The following PREX2 variants were observed in gnomAD, a reference collection of about 807,000 sequenced individuals.
PREX2 encodes the protein phosphatidylinositol 3,4,5-trisphosphate-dependent Rac exchanger 2 protein.
In PREX2, 107 loss-of-function variants were observed where a neutral mutation model predicts 203.2. The observed-to-expected ratio is 0.53, with a 90% CI of 0.45 to 0.62. The LOEUF (loss-of-function observed/expected upper bound fraction) is 0.62, where lower values mean the gene tolerates loss of function less well. Among genes scored for constraint, PREX2 ranks in the 20% least tolerant of loss-of-function variants. The pLI is 0.00. For missense variants in PREX2, 1,777 were observed against 1,955.9 expected (o/e 0.91, Z 1.72); for synonymous variants, 672 against 663.6 (o/e 1.01, Z -0.19).
In PREX2 at chr8:68,115,858, G is replaced by A. The variant is rs1421982978; in HGVS notation, c.3252G>A (p.Arg1084=). 6.2e-7 allele frequency: 1 copy of A among 1,613,858 alleles called. No individual in the cohort carries two copies. Among genetic ancestry groups the A allele is most frequent in the South Asian group, 1.1e-5 (1 of 91,074 alleles). Residue 1084 remains arginine (R), a synonymous_variant, in exon 26 of 40, where the codon CGG becomes CGA. Transcript: ENST00000288368. ...DNEKGERNSK[R]VCFNVAGDEQ... is the part of the protein sequence containing the mutation. ...AGAAGGGAGAAAGAAACAGCAAACGGGTATGTTTTAATGTAGCAGGAGATG... is the reference window on the plus strand; with the variant it reads ...AGAAGGGAGAAAGAAACAGCAAACGAGTATGTTTTAATGTAGCAGGAGATG...
intron 1 of PREX2, among the ~76,000 whole-genome samples, chr8:67,960,601 C>A (rs1805608790): frequency 6.6e-6 from 1 of 152,120 alleles, no homozygotes; most frequent in Admixed American, 6.5e-5. Flanking sequence ...GGCTTTCCTC[C>A]AGAAGGAACT....
chr8:68,131,374 A>G (rs1022767982), intron 31 of PREX2, among the ~76,000 whole-genome samples: 3 of 152,226 alleles, frequency 2.0e-5, no homozygotes, highest in Admixed American at 1.3e-4. Flanking sequence ...TCTCTGCTGA[A>G]AATAGGAAGG....
chr8:68,019,995 T>TTTCTG (rs1440523309), intron 3 of PREX2, among the ~76,000 whole-genome samples: 1 of 152,202 alleles, frequency 6.6e-6, no homozygotes, highest in African/African-American at 2.4e-5. Flanking sequence ...CATAGAGCAT[T>TTTCTG]TTTCTTTTGA....
At chr8:68,114,151 C>T (rs185106990) in intron 25 of PREX2, among the ~76,000 whole-genome samples, 207 of 152,252 alleles carry the variant, frequency 1.4e-3, no homozygotes, top group South Asian at 5.0e-3. Flanking sequence ...CATGAGCCAC[C>T]GCGCCCGGCC....
chr8:67,999,720 A>G (rs1026982208), intron 1 of PREX2, among the ~76,000 whole-genome samples: 3 of 152,172 alleles, frequency 2.0e-5, no homozygotes, highest in African/African-American at 7.2e-5. Flanking sequence ...CCTCAACAAA[A>G]TACTTACAAA....
chr8:67,974,985 G>A (rs1263646276), intron 1 of PREX2, among the ~76,000 whole-genome samples: 1 of 152,172 alleles, frequency 6.6e-6, no homozygotes, highest in Non-Finnish European at 1.5e-5. Flanking sequence ...CATCCTTGCT[G>A]TGTGTTCCTC....
intron 37 of PREX2, among the ~76,000 whole-genome samples, chr8:68,199,965 T>C (rs1263013579): frequency 6.6e-6 from 1 of 152,190 alleles, no homozygotes; most frequent in Non-Finnish European, 1.5e-5. Flanking sequence ...AGGAATAGGT[T>C]TACTCTGGGG....
At chr8:68,125,036 T>A (rs1386180791) in intron 30 of PREX2, among the ~76,000 whole-genome samples, 2 of 152,092 alleles carry the variant, frequency 1.3e-5, no homozygotes, top group Non-Finnish European at 2.9e-5. Context: ...AATGATTACA[T>A]TTTGCTTCAT....
intron 35 of PREX2, among the ~76,000 whole-genome samples, chr8:68,184,388 A>G (rs1304569900): frequency 2.0e-5 from 3 of 152,164 alleles, no homozygotes; most frequent in Non-Finnish European, 4.4e-5. Flanking sequence ...GACATATCTA[A>G]TCATGTCTAT....
intron 13 of PREX2, among the ~76,000 whole-genome samples, chr8:68,070,547 A>G (rs1278986580): frequency 6.6e-6 from 1 of 152,126 alleles, no homozygotes; most frequent in African/African-American, 2.4e-5. Context: ...GTACTTTTGC[A>G]ATATACACTG....
At chr8:68,122,079 G>C (rs911852982) in intron 30 of PREX2, among the ~76,000 whole-genome samples, 1 of 152,054 alleles carries the variant, frequency 6.6e-6, no homozygotes, top group Non-Finnish European at 1.5e-5. Flanking sequence ...GCTGACAAAA[G>C]ACAACCCCTT....
intron 1 of PREX2, among the ~76,000 whole-genome samples, chr8:67,959,076 A>G (rs1805562716): frequency 1.3e-5 from 2 of 152,212 alleles, no homozygotes; most frequent in Admixed American, 1.3e-4. Context: ...TACACAAACA[A>G]AAGGTAGGAT....
intron 35 of PREX2, among the ~76,000 whole-genome samples, chr8:68,173,837 G>A (rs530679964): frequency 2.7e-4 from 41 of 152,118 alleles, no homozygotes; most frequent in Admixed American, 5.2e-4. Context: ...TTTCACCAAA[G>A]CAAAGGGAAG....
intron 35 of PREX2, among the ~76,000 whole-genome samples, chr8:68,170,455 C>T (rs1811854271): frequency 6.6e-6 from 1 of 152,224 alleles, no homozygotes; most frequent in Admixed American, 6.5e-5. Flanking sequence ...GAAACACGAA[C>T]AGAGACAGGC....
intron 1 of PREX2, among the ~76,000 whole-genome samples, chr8:67,966,319 C>G (rs1805777910): frequency 6.6e-6 from 1 of 152,080 alleles, no homozygotes; most frequent in Non-Finnish European, 1.5e-5. Flanking sequence ...TACTATATAT[C>G]CTTCCTACAA....
chr8:68,005,325 T>C (rs1328075748), intron 1 of PREX2, among the ~76,000 whole-genome samples: 5 of 152,176 alleles, frequency 3.3e-5, no homozygotes, highest in Non-Finnish European at 7.3e-5. Flanking sequence ...ACCATCGTCT[T>C]TCACTTGTCT....
intron 6 of PREX2, among the ~76,000 whole-genome samples, chr8:68,037,374 A>T (rs891133299): frequency 2.6e-5 from 4 of 152,050 alleles, no homozygotes; most frequent in Non-Finnish European, 5.9e-5. Flanking sequence ...AAACAAATAG[A>T]CTATAATATT....
intron 35 of PREX2, among the ~76,000 whole-genome samples, chr8:68,181,207 G>C (rs900890984): frequency 6.6e-6 from 1 of 152,102 alleles, no homozygotes; most frequent in African/African-American, 2.4e-5. Context: ...ATTCACCTTT[G>C]ATCGGTCTGT....
chr8:68,102,090 G>T (rs1336726899), intron 23 of PREX2, among the ~76,000 whole-genome samples: 1 of 152,152 alleles, frequency 6.6e-6, no homozygotes, highest in Non-Finnish European at 1.5e-5. Flanking sequence ...AATGGGCAAT[G>T]ATGTTAGATG....
Sources: allele counts gnomAD v4.1 joint callset (sites outside exome capture counted in the v4.1 genomes callset), GRCh38; gene constraint gnomAD v4.1.1; transcripts MANE v1.5; gene names NCBI Gene and HGNC (gene_info 2026-07-23, HGNC 2026-07-21).